Variants in ABHD12B observed in about 807,000 individuals in gnomAD.
ABHD12B encodes the protein protein ABHD12B.
In ABHD12B, 42 loss-of-function variants were observed where a neutral mutation model predicts 50.4. That is an observed-to-expected ratio of 0.83 (90% confidence interval 0.65 to 1.08). ABHD12B has a LOEUF of 1.08. Among genes scored for constraint, ABHD12B ranks in the 50% least tolerant of loss-of-function variants. ABHD12B has a pLI of 0.00. For synonymous variants in ABHD12B, 167 were observed against 160.3 expected (o/e 1.04, Z -0.32); for missense variants, 479 against 447.7 (o/e 1.07, Z -0.63).
chr14:50,886,601 G>T (rs1190850498), intron 7 of ABHD12B, 46 bp from the exon 8 acceptor site: 1 of 1,574,424 alleles, frequency 6.4e-7, no homozygotes, highest in Non-Finnish European at 8.7e-7. Flanking sequence ...GTTGCATTTT[G>T]TACTGTTATT....
At chr14:50,890,913 T>C (rs1439267256) in intron 9 of ABHD12B, among the ~76,000 whole-genome samples, 1 of 152,236 alleles carries the variant, frequency 6.6e-6, no homozygotes, top group Non-Finnish European at 1.5e-5. Context: ...TTTACCACTT[T>C]ACTCTCTCAC....
intron 5 of ABHD12B, among the ~76,000 whole-genome samples, chr14:50,884,876 A>C (rs1374810624): frequency 6.6e-6 from 1 of 152,068 alleles, no homozygotes; most frequent in Admixed American, 6.5e-5. Context: ...CACCACACCC[A>C]ACAATCATTG....
intron 5 of ABHD12B, among the ~76,000 whole-genome samples, chr14:50,882,268 G>C (rs1416605303): frequency 6.6e-6 from 1 of 151,870 alleles, no homozygotes; most frequent in Non-Finnish European, 1.5e-5. Flanking sequence ...GAGGGCTGGG[G>C]GATGGGTTGA....
chr14:50,903,515 C>A, intron 11 of ABHD12B, 48 bp downstream of exon 11: 1 of 1,500,236 alleles, frequency 6.7e-7, no homozygotes, highest in South Asian at 1.2e-5. Context: ...ACTCATTTCA[C>A]CATTTTTTTC....
At chr14:50,902,793 T>C (rs970266119) in intron 10 of ABHD12B, among the ~76,000 whole-genome samples, 1 of 152,176 alleles carries the variant, frequency 6.6e-6, no homozygotes. Flanking sequence ...GAAGCATTGC[T>C]TGAGAAAGTA....
At position 50,904,911 on chromosome 14, in the gene ABHD12B, G is replaced by C. The variant is rs1417376951; in HGVS notation, c.*545G>C. 4.2e-6 allele frequency: 1 copy of C among 238,110 alleles called. No homozygotes were observed. The highest frequency in any genetic ancestry group is 8.1e-6 in the Non-Finnish European group (1 of 123,692). 14.7% of individuals were successfully genotyped at this position (238,110 alleles called of 1,614,324 possible). On this transcript the variant is annotated 3_prime_UTR_variant, in exon 13 of 13. Coordinates refer to ENST00000337334, the MANE Select transcript of ABHD12B (RefSeq NM_001206673.2). ...CAGACACTGAATCAGCCAGTGCCTTGCTCTTGGACTTCCCAGCCCCCAGAA... is the reference window on the plus strand; with the variant it reads ...CAGACACTGAATCAGCCAGTGCCTTCCTCTTGGACTTCCCAGCCCCCAGAA...
At chr14:50,891,345 C>G (rs1451675925) in intron 9 of ABHD12B, 1 of 152,138 alleles carries the variant, frequency 6.6e-6, no homozygotes, top group East Asian at 1.9e-4. Context: ...CGGGTTCACG[C>G]CATTCTCCTG....
chr14:50,872,275 T>C lies in ABHD12B; in HGVS notation c.101T>C (p.Leu34Pro). 7.4e-7 allele frequency: 1 copy of C among 1,354,206 alleles called. No homozygotes were observed. Among genetic ancestry groups the C allele is most frequent in the Non-Finnish European group, 9.5e-7 (1 of 1,050,200 alleles). 83.9% of individuals were successfully genotyped at this position (1,354,206 alleles called of 1,614,324 possible). The change falls in exon 1 of 13, where the codon CTG (leucine) becomes CCG (proline). Residue 34 changes from leucine to proline, a missense_variant. Leu to Pro is a moderately conservative substitution (Grantham distance 98). Transcript: ENST00000337334. ...TGGTGGGACATGGTCGACCGCAACC[T>C]GCGGTGAGTACCGCCCGGTCCACCC... ...AAWWDMVDRN[L>P]RYFPHSCSML...
intron 9 of ABHD12B, among the ~76,000 whole-genome samples, chr14:50,890,281 GAAAT>G (rs2050100350): frequency 6.6e-6 from 1 of 152,000 alleles, no homozygotes; most frequent in South Asian, 2.1e-4. Flanking sequence ...GAAATTTAGC[GAAAT>G]AAGGAAAATA....
At chr14:50,885,549 G>A (rs1011024319) in intron 5 of ABHD12B, 65 bp from the exon 6 acceptor site, 1 of 1,579,894 alleles carries the variant, frequency 6.3e-7, no homozygotes, top group Non-Finnish European at 8.7e-7. Context: ...GATGGATATA[G>A]GGAGGAGAAG....
chr14:50,896,997 G>A (rs2050208234), intron 9 of ABHD12B, among the ~76,000 whole-genome samples: 1 of 151,034 alleles, frequency 6.6e-6, no homozygotes, highest in Non-Finnish European at 1.5e-5. Flanking sequence ...TTTTAGTACT[G>A]TTAATTTTTG....
At chr14:50,877,876 C>A (rs372500914) in intron 1 of ABHD12B, 76 bp from the exon 2 acceptor site, 37 of 893,814 alleles carry the variant, frequency 4.1e-5, no homozygotes, top group South Asian at 1.1e-4. Context: ...CAAAAAAAAA[C>A]AAAGAAAAAG....
In ABHD12B at chr14:50,904,484, C is replaced by T; in HGVS notation, c.*118C>T. ...GGATGAGCTGAGGCCATTGACTTCT[C>T]TACAAATCACTTGCCATTTTAACAA... On this transcript the variant is annotated 3_prime_UTR_variant, in exon 13 of 13. Coordinates refer to ENST00000337334, the MANE Select transcript of ABHD12B (RefSeq NM_001206673.2). 3 of 1,255,336 alleles carry T rather than the reference C, an allele frequency of 2.4e-6. No homozygotes were observed. The highest frequency in any genetic ancestry group is 1.8e-5 in the Admixed American group (1 of 57,094). The allele number at this position is 1,255,336 out of a possible 1,614,324, so 77.8% of individuals were successfully genotyped here. A position where few individuals can be genotyped will look rare whatever the true frequency, so the allele number is the denominator to read the frequency against.
chr14:50,896,103 G>A (rs960398403), intron 9 of ABHD12B, among the ~76,000 whole-genome samples: 3 of 151,882 alleles, frequency 2.0e-5, no homozygotes, highest in Non-Finnish European at 2.9e-5. Flanking sequence ...CTTGGTGACC[G>A]ATCATGCACC....
intron 9 of ABHD12B, among the ~76,000 whole-genome samples, chr14:50,899,242 A>C (rs73284784): frequency 0.01 from 1,532 of 152,352 alleles, 25 homozygotes; most frequent in African/African-American, 0.035. Context: ...TCCTGGGGGA[A>C]TAGCAGGCCT....
At chr14:50,900,130 G>C (rs761113876) in intron 9 of ABHD12B, among the ~76,000 whole-genome samples, 6 of 151,974 alleles carry the variant, frequency 3.9e-5, no homozygotes, top group Non-Finnish European at 8.8e-5. Flanking sequence ...TACTATGGAG[G>C]CTGAGGAGGG....
chr14:50,901,780 G>A, intron 9 of ABHD12B, 49 bp from the exon 10 acceptor site: 1 of 1,236,170 alleles, frequency 8.1e-7, no homozygotes, highest in Non-Finnish European at 1.1e-6. Flanking sequence ...TATAACAGAT[G>A]GCATAGCTAT....
At chr14:50,893,736 A>G in intron 9 of ABHD12B, 1 of 197,104 alleles carries the variant, frequency 5.1e-6, no homozygotes, top group Non-Finnish European at 9.9e-6. Flanking sequence ...AGCCCAAGAA[A>G]CATCTCACCA....
At chr14:50,876,276 A>ACATATCTTT (rs1475545540) in intron 1 of ABHD12B, among the ~76,000 whole-genome samples, 1 of 152,182 alleles carries the variant, frequency 6.6e-6, no homozygotes, top group Non-Finnish European at 1.5e-5. Context: ...CCCTTAGCCC[A>ACATATCTTT]CATATCTTTT....
Sources: gnomAD v4.1 joint callset for allele counts (sites outside exome capture counted in the v4.1 genomes callset) on GRCh38, gnomAD v4.1.1 for gene constraint, MANE v1.5 for transcripts, NCBI Gene and HGNC (gene_info 2026-07-23, HGNC 2026-07-21) for gene names.